Variants in ASIC2 observed in about 807,000 individuals in gnomAD.
ASIC2 encodes acid-sensing ion channel 2.
In ASIC2, 25 loss-of-function variants were observed where a neutral mutation model predicts 57.3. The observed-to-expected ratio is 0.44, with a 90% CI of 0.32 to 0.61. The LOEUF (loss-of-function observed/expected upper bound fraction) is 0.61. Ranked by LOEUF, ASIC2 falls within the 20% of genes least tolerant of loss-of-function variation. ASIC2 has a pLI of 0.06. For synonymous variants in ASIC2, 319 were observed against 307.5 expected (o/e 1.04, Z -0.39); for missense variants, 641 against 738.1 (o/e 0.87, Z 1.52).
At chr17:34,149,549 C>A (rs192504565) in intron 1 of ASIC2, among the ~76,000 whole-genome samples, 1 of 152,148 alleles carries the variant, frequency 6.6e-6, no homozygotes, top group African/African-American at 2.4e-5. Context: ...CCACTTTACC[C>A]AAACTCTGAA....
At chr17:33,460,318 G>A (rs1446525248) in intron 1 of ASIC2, among the ~76,000 whole-genome samples, 1 of 152,192 alleles carries the variant, frequency 6.6e-6, no homozygotes, top group African/African-American at 2.4e-5. Context: ...GGGGTGGATG[G>A]GCTGCCATTC....
chr17:33,721,348 C>T (rs1477457276), intron 1 of ASIC2, among the ~76,000 whole-genome samples: 2 of 152,210 alleles, frequency 1.3e-5, no homozygotes, highest in Non-Finnish European at 2.9e-5. Flanking sequence ...CATTTGAAGG[C>T]ATGACCATCT....
chr17:33,969,753 C>A (rs1426647426), intron 1 of ASIC2, among the ~76,000 whole-genome samples: 1 of 152,042 alleles, frequency 6.6e-6, no homozygotes, highest in African/African-American at 2.4e-5. Context: ...CTCTGTCCTG[C>A]TTGTGGGCTG....
At chr17:33,641,154 G>A (rs1402433525) in intron 1 of ASIC2, among the ~76,000 whole-genome samples, 1 of 152,078 alleles carries the variant, frequency 6.6e-6, no homozygotes, top group Non-Finnish European at 1.5e-5. Context: ...GTTCCCTTGG[G>A]TGGCTTCCTG....
chr17:33,894,016 C>T (rs1036375849), intron 1 of ASIC2, among the ~76,000 whole-genome samples: 5 of 152,148 alleles, frequency 3.3e-5, no homozygotes, highest in African/African-American at 9.7e-5. Context: ...CCCACAGATT[C>T]CAAAAGAAGA....
intron 1 of ASIC2, among the ~76,000 whole-genome samples, chr17:33,651,349 T>C (rs1422905450): frequency 6.6e-6 from 1 of 152,172 alleles, no homozygotes; most frequent in African/African-American, 2.4e-5. Flanking sequence ...GAGTCTATAA[T>C]TATTTCAAAA....
In ASIC2 at chr17:34,156,559, G is replaced by C. The variant is rs1392662079; in HGVS notation, c.-27C>G. ...GGGACCCCGTGCAGTTCCGCAACTG[G>C]CTTCAGGTTGATCGAATTTCAGAGA... On this transcript the variant is annotated 5_prime_UTR_variant, in exon 1 of 10. Coordinates refer to the ASIC2 transcript ENST00000359872. The surrounding 1 kb of genome is among the most constrained non-coding windows in gnomAD (Gnocchi z 4.4). 1 of 1,544,956 alleles carries C rather than the reference G, an allele frequency of 6.5e-7. No homozygotes were observed. Among genetic ancestry groups the C allele is most frequent in the East Asian group, 2.3e-5 (1 of 44,118 alleles).
At chr17:33,846,892 A>G (rs557809592) in intron 1 of ASIC2, among the ~76,000 whole-genome samples, 27 of 152,224 alleles carry the variant, frequency 1.8e-4, no homozygotes, top group Non-Finnish European at 3.2e-4. Context: ...TCCCTGGGAC[A>G]TGATTCTCCA....
intron 1 of ASIC2, among the ~76,000 whole-genome samples, chr17:33,383,218 C>T (rs766996367): frequency 6.6e-6 from 1 of 152,112 alleles, no homozygotes; most frequent in Non-Finnish European, 1.5e-5. Flanking sequence ...GCACTTATTA[C>T]GTGGATTTCA....
At chr17:33,072,649 AT>A (rs776000389) in intron 3 of ASIC2, among the ~76,000 whole-genome samples, 5 of 152,306 alleles carry the variant, frequency 3.3e-5, no homozygotes, top group Non-Finnish European at 7.3e-5. Flanking sequence ...GCATTCGGCC[AT>A]TTGACGGGGA....
At chr17:33,353,255 T>A (rs1024138404) in intron 1 of ASIC2, among the ~76,000 whole-genome samples, 1 of 152,202 alleles carries the variant, frequency 6.6e-6, no homozygotes, top group Non-Finnish European at 1.5e-5. Context: ...TCCATAATCA[T>A]GCACTGAACA....
chr17:33,696,323 C>T (rs748521685), intron 1 of ASIC2, among the ~76,000 whole-genome samples: 8 of 152,214 alleles, frequency 5.3e-5, no homozygotes, highest in South Asian at 2.1e-4. Flanking sequence ...CCATCTGTGT[C>T]GCTGTCACAA....
At chr17:33,189,520 A>T (rs1906330586) in intron 1 of ASIC2, among the ~76,000 whole-genome samples, 1 of 152,190 alleles carries the variant, frequency 6.6e-6, no homozygotes, top group Non-Finnish European at 1.5e-5. Context: ...TTAAGGGCAG[A>T]GACTGTTAGA....
chr17:33,920,789 G>A (rs1263961698), intron 1 of ASIC2, among the ~76,000 whole-genome samples: 1 of 152,178 alleles, frequency 6.6e-6, no homozygotes, highest in African/African-American at 2.4e-5. Context: ...TGGTCGCCCT[G>A]ATGCAAACCA....
At chr17:33,988,126 T>A (rs1905883131) in intron 1 of ASIC2, among the ~76,000 whole-genome samples, 1 of 152,178 alleles carries the variant, frequency 6.6e-6, no homozygotes, top group Admixed American at 6.5e-5. Context: ...TGAGACAGAA[T>A]GAATGTAACA....
intron 1 of ASIC2, among the ~76,000 whole-genome samples, chr17:33,876,819 T>C (rs894206480): frequency 6.6e-6 from 1 of 152,178 alleles, no homozygotes; most frequent in Admixed American, 6.5e-5. Flanking sequence ...TGATTCTCCA[T>C]GCATCCAGCT....
chr17:33,552,100 C>T (rs903354758), intron 1 of ASIC2, among the ~76,000 whole-genome samples: 13 of 152,182 alleles, frequency 8.5e-5, no homozygotes, highest in African/African-American at 2.4e-4. Context: ...TCTGCTGCCT[C>T]GCTTCAAGTG....
At chr17:33,818,063 T>G (rs371418309) in intron 1 of ASIC2, among the ~76,000 whole-genome samples, 1 of 152,200 alleles carries the variant, frequency 6.6e-6, no homozygotes, top group Admixed American at 6.5e-5. Context: ...TTGGAGGTCA[T>G]GAAGCATCCT....
At chr17:34,025,977 CT>C (rs1907363623) in intron 1 of ASIC2, among the ~76,000 whole-genome samples, 1 of 152,210 alleles carries the variant, frequency 6.6e-6, no homozygotes, top group Non-Finnish European at 1.5e-5. Context: ...TCTCAGGCTC[CT>C]TTTTCTCATC....
Sources: gnomAD v4.1 joint callset for allele counts (sites outside exome capture counted in the v4.1 genomes callset) on GRCh38, gnomAD v4.1.1 for gene constraint, Gnocchi (gnomAD v3.1) non-coding constraint, MANE v1.5 for transcripts, NCBI Gene and HGNC (gene_info 2026-07-23, HGNC 2026-07-21) for gene names.